Variants in RASA3 observed in about 807,000 individuals in gnomAD.
RASA3 encodes ras GTPase-activating protein 3.
Under a neutral mutation model 110.0 loss-of-function variants are expected in RASA3, and 73 were observed. That is an observed-to-expected ratio of 0.66 (90% CI 0.55 to 0.81). The LOEUF is 0.81. Among genes scored for constraint, RASA3 ranks in the 30% least tolerant of loss-of-function variants. The pLI, the probability that RASA3 is intolerant of heterozygous loss-of-function variation, is 0.00. For missense variants in RASA3, 976 were observed against 1,113.2 expected, an observed-to-expected ratio of 0.88 and a Z score of 1.75; for synonymous variants, 500 against 451.4, an observed-to-expected ratio of 1.11 and a Z score of -1.37.
At chr13:114,105,216 C>T (rs935829298) in intron 1 of RASA3, among the ~76,000 whole-genome samples, 10 of 152,024 alleles carry the variant, frequency 6.6e-5, no homozygotes, top group Non-Finnish European at 1.3e-4. Context: ...ACTGGGAGGA[C>T]GACCCCCACG....
rs2053744259 is a variant in RASA3, at chr13:114,014,448, C to T, written c.1405+761G>A. The stretch of plus-strand genomic sequence containing the variant: ...GGACACAGAAGCGTGGACGGCTCTG[C>T]AGGACCATGGCCACCCCGGGGTGTC... On this transcript the variant is annotated intron_variant, in intron 14 of 23. Coordinates refer to ENST00000334062, the MANE Select transcript of RASA3 (RefSeq NM_007368.4). This position sits in a 1 kb window ranked among gnomAD's most constrained non-coding sequence, Gnocchi z 4.5. Among the ~76,000 whole-genome samples the T allele has an allele frequency of 6.6e-6, 1 of 152,154 alleles. No homozygotes were observed. Among genetic ancestry groups the T allele is most frequent in the African/African-American group, 2.4e-5 (1 of 41,440 alleles).
At chr13:114,087,637 C>A (rs998572737) in intron 1 of RASA3, among the ~76,000 whole-genome samples, 2 of 152,214 alleles carry the variant, frequency 1.3e-5, no homozygotes, top group African/African-American at 4.8e-5. Flanking sequence ...TGCCTCAGAG[C>A]CCCAAGTCTC....
intron 14 of RASA3, among the ~76,000 whole-genome samples, chr13:114,013,777 CCT>C (rs1351258341): frequency 1.7e-5 from 2 of 119,040 alleles, no homozygotes; most frequent in Admixed American, 8.7e-5. Context: ...TGTCTCTCTC[CCT>C]CTCTGTCTCT....
At chr13:114,012,065 G>A (rs917394200) in intron 15 of RASA3, among the ~76,000 whole-genome samples, 1 of 151,964 alleles carries the variant, frequency 6.6e-6, no homozygotes, top group Non-Finnish European at 1.5e-5. Flanking sequence ...ACCACATTGG[G>A]GCCTGGAGAA....
rs139537818 is a variant in RASA3, at chr13:114,000,914, G to A, written c.1761C>T (p.Ala587=). 6.2e-7 allele frequency: 1 copy of A among 1,613,194 alleles called. No individual in the cohort carries two copies. Among genetic ancestry groups the A allele is most frequent in the African/African-American group, 1.3e-5 (1 of 74,866 alleles). Residue 587 remains alanine (A), a synonymous_variant, in exon 19 of 24, where the codon GCC becomes GCT. Coordinates refer to ENST00000334062, the MANE Select transcript of RASA3 (RefSeq NM_007368.4). The stretch of plus-strand genomic sequence containing the variant: ...TCATCCCAAAGCGCTTCCGTCCTTG[G>A]GCCCTCTTGATCATGAACCTGTGTG... The part of the protein sequence containing the change: ...VLKEGFMIKR[A]QGRKRFGMKN...
chr13:114,092,095 C>G (rs1289407377), intron 1 of RASA3, among the ~76,000 whole-genome samples: 1 of 151,052 alleles, frequency 6.6e-6, no homozygotes, highest in African/African-American at 2.4e-5. Flanking sequence ...AGAGCTTTGT[C>G]AATTTTATCT....
rs1334982569 is a variant in RASA3, at chr13:114,010,577, T to A, written c.1590+594A>T. Among the ~76,000 whole-genome samples, 3 of 119,930 alleles carry A rather than the reference T, an allele frequency of 2.5e-5. No homozygotes were observed. In the Admixed American group the frequency reaches 2.5e-4, roughly 10 times the overall value. The allele number at this position is 119,930 out of a possible 152,430, so 78.7% of individuals were successfully genotyped here. A position where few individuals can be genotyped will look rare whatever the true frequency, so the allele number is the denominator to read the frequency against. On this transcript the variant is annotated intron_variant, in intron 16 of 23. Coordinates refer to ENST00000334062, the MANE Select transcript of RASA3 (RefSeq NM_007368.4). The stretch of plus-strand genomic sequence containing the variant: ...CATATCCACAGGGAGAGAGGGGCCC[T>A]GGGAGGAGGGGGCCGCGTGGGGAGG...
intron 23 of RASA3, 72 bp from the exon 24 acceptor site, chr13:113,979,494 C>G: frequency 8.0e-7 from 1 of 1,252,066 alleles, no homozygotes; most frequent in Non-Finnish European, 1.2e-6. Flanking sequence ...GCTGCGGGAG[C>G]TTTTCCTGTT....
At chr13:113,992,688 G>A (rs953736952) in intron 21 of RASA3, 100 bp from the exon 22 acceptor site, 11 of 922,824 alleles carry the variant, frequency 1.2e-5, no homozygotes, top group Admixed American at 4.1e-5. Flanking sequence ...GAAAGACAAC[G>A]ATTGTGTTGG....
intron 20 of RASA3, 29 bp from the exon 21 acceptor site, chr13:113,996,768 G>T (rs372051906): frequency 1.3e-6 from 2 of 1,589,480 alleles, no homozygotes; most frequent in African/African-American, 2.7e-5. Flanking sequence ...TCAGGACAGC[G>T]CACATGAGGT....
intron 18 of RASA3, among the ~76,000 whole-genome samples, chr13:114,004,538 C>T (rs997833307): frequency 7.9e-5 from 12 of 151,982 alleles, no homozygotes; most frequent in Admixed American, 6.6e-5. Flanking sequence ...CCAGGCAGAA[C>T]GAAGCCACCT....
intron 4 of RASA3, among the ~76,000 whole-genome samples, chr13:114,034,218 G>A (rs772969590): frequency 4.6e-5 from 7 of 152,256 alleles, no homozygotes; most frequent in Non-Finnish European, 7.3e-5. Flanking sequence ...AGGAGAAAGT[G>A]CCTGACCCAA....
Position 114,012,631 on chromosome 13 carries a change from CCA to C in RASA3, c.1512+509_1512+510del, listed in dbSNP as rs1293439319. Among the ~76,000 whole-genome samples, 10 of 145,758 alleles carry C rather than the reference CCA, an allele frequency of 6.9e-5. 1 individual carries two copies. Among genetic ancestry groups the C allele is most frequent in the East Asian group, 2.1e-4 (1 of 4,878 alleles). On this transcript the variant is annotated intron_variant, in intron 15 of 23. Coordinates refer to ENST00000334062, the MANE Select transcript of RASA3 (RefSeq NM_007368.4). ...GCACACTCCCCACTCACTCCTCATTCCACACACACTCCCCATTCCACACGCCT... is the reference window on the plus strand; with the variant it reads ...GCACACTCCCCACTCACTCCTCATTCCACACACTCCCCATTCCACACGCCT...
At chr13:114,061,689 A>G (rs1039679629) in intron 2 of RASA3, among the ~76,000 whole-genome samples, 7 of 151,826 alleles carry the variant, frequency 4.6e-5, no homozygotes, top group Non-Finnish European at 7.4e-5. Flanking sequence ...AAAAAAAAAA[A>G]AAAGAAAAAG....
At chr13:114,010,409 C>T (rs2053605399) in intron 16 of RASA3, among the ~76,000 whole-genome samples, 1 of 151,984 alleles carries the variant, frequency 6.6e-6, no homozygotes, top group Non-Finnish European at 1.5e-5. Flanking sequence ...AGGAGCACTG[C>T]CCCCGGGACG....
chr13:114,009,848 T>C (rs1019017816), intron 16 of RASA3, among the ~76,000 whole-genome samples: 2 of 152,210 alleles, frequency 1.3e-5, no homozygotes, highest in African/African-American at 4.8e-5. Context: ...CGCCCATCTC[T>C]CGCCCGTGGG....
chr13:114,046,155 A>C (rs191430167), intron 3 of RASA3, among the ~76,000 whole-genome samples: 2 of 152,356 alleles, frequency 1.3e-5, no homozygotes, highest in Admixed American at 6.5e-5. Flanking sequence ...CTTACACTAC[A>C]ATGTAAGACC....
intron 4 of RASA3, chr13:114,035,897 TC>T (rs1042347223): frequency 6.6e-6 from 1 of 152,172 alleles, no homozygotes; most frequent in Non-Finnish European, 1.5e-5. Context: ...AACACAAAAT[TC>T]CCAGAGGCTG....
intron 1 of RASA3, among the ~76,000 whole-genome samples, chr13:114,103,568 C>T (rs2080087628): frequency 1.2e-5 from 1 of 83,592 alleles, no homozygotes; most frequent in Non-Finnish European, 2.7e-5. Flanking sequence ...ACCCCCGATG[C>T]GTCCATGCTG....
Sources: gnomAD v4.1 joint callset for allele counts (sites outside exome capture counted in the v4.1 genomes callset) on GRCh38, gnomAD v4.1.1 for gene constraint, Gnocchi (gnomAD v3.1) non-coding constraint, MANE v1.5 for transcripts, NCBI Gene and HGNC (gene_info 2026-07-23, HGNC 2026-07-21) for gene names.